The following FBN1 variants were observed in gnomAD, a reference collection of about 807,000 sequenced individuals.
The protein encoded by FBN1 is fibrillin 1.
FBN1 carries 29 observed loss-of-function variants against 365.1 expected under a neutral mutation model. The ratio of observed to expected loss-of-function variants is 0.08; its 90% CI spans 0.06 to 0.11. The LOEUF is 0.11. FBN1 is among the 10% of genes least tolerant of loss of function. The probability of loss-of-function intolerance (pLI) is 1.00; values close to 1 mark genes in which losing one functional copy is unlikely to be tolerated. For missense variants in FBN1, 2,476 were observed against 3,703.2 expected, an observed-to-expected ratio of 0.67 and a Z score of 8.60; for synonymous variants, 1,210 against 1,270.5, an observed-to-expected ratio of 0.95 and a Z score of 1.01.
rs794728263 is a variant in FBN1, at chr15:48,427,723, T to C, written c.7048A>G (p.Ile2350Val). The part of the protein sequence containing the change: ...FTEVLQNMCQ[I>V]GSSNRNPVTK... ...ACGGGGTTCCTGTTGCTGGAGCCGA[T>C]CTGACACATGTTTTGTAGCACCTCT... Residue 2350 changes from isoleucine (I) to valine (V), a missense_variant, in exon 58 of 66, where the codon ATC (isoleucine) becomes GTC (valine). Ile to Val is a conservative substitution (Grantham distance 29). Around this residue, in one of 5 missense-constraint regions of FBN1, gnomAD observed 1,780 missense variants for 2,840.8 expected, o/e 0.63. Transcript: ENST00000316623. 1.1e-5 allele frequency: 17 copies of C among 1,614,136 alleles called. No individual in the cohort carries two copies. Among genetic ancestry groups the C allele is most frequent in the Non-Finnish European group, 1.3e-5 (15 of 1,179,994 alleles).
intron 8 of FBN1, among the ~76,000 whole-genome samples, chr15:48,532,500 A>ATG (rs1566921224): frequency 9.3e-6 from 1 of 107,122 alleles, no homozygotes; most frequent in African/African-American, 3.6e-5. Flanking sequence ...GTATATATAT[A>ATG]TGTGTATGTG....
intron 2 of FBN1, chr15:48,641,616 G>C (rs1890199715): frequency 6.6e-6 from 1 of 152,228 alleles, no homozygotes; most frequent in Non-Finnish European, 1.5e-5. Flanking sequence ...CTGGGCATCA[G>C]GCAGACTCGG....
At chr15:48,435,689 T>C (rs978142288) in intron 53 of FBN1, among the ~76,000 whole-genome samples, 7 of 148,450 alleles carry the variant, frequency 4.7e-5, no homozygotes, top group African/African-American at 7.5e-5. Flanking sequence ...TGTGTGTGTG[T>C]GCATGTGTGT....
At position 48,429,562 on chromosome 15, in the gene FBN1, T is replaced by C. The variant is rs1367156356; in HGVS notation, c.6872-1091A>G. ...AAGTTGGAAGGTGAATCCAGAACAG[T>C]GTTAAAACAGGTTCAAAACCCCAAT... On this transcript the variant is annotated intron_variant, in intron 56 of 65. Coordinates refer to ENST00000316623, the MANE Select transcript of FBN1 (RefSeq NM_000138.5). Among the ~76,000 whole-genome samples the C allele has an allele frequency of 2.6e-5, 4 of 152,136 alleles. No individual in the cohort carries two copies. The East Asian group carries it at 5.8e-4, about 22-fold the overall frequency.
intron 32 of FBN1, among the ~76,000 whole-genome samples, chr15:48,475,049 T>C (rs1238053514): frequency 1.2e-4 from 18 of 152,116 alleles, no homozygotes; most frequent in Admixed American, 1.2e-3. Context: ...TTTTCATATC[T>C]TGTATAGACA....
intron 2 of FBN1, among the ~76,000 whole-genome samples, chr15:48,635,628 A>G (rs1432089548): frequency 6.6e-6 from 1 of 152,242 alleles, no homozygotes; most frequent in Non-Finnish European, 1.5e-5. Flanking sequence ...GTTAAAACAT[A>G]CCAAAGTTAA....
rs751472490 is a variant in FBN1 at position 48,448,866 on chromosome 15, T to C, written c.5573A>G (p.Asn1858Ser). ...AATGCACTGCCCATGACTGCATATATTGGGGATTTCTTGACATTCATTACG... is the reference window on the plus strand; with the variant it reads ...AATGCACTGCCCATGACTGCATATACTGGGGATTTCTTGACATTCATTACG... ...NDRNECQEIPNICSHGQCIDT... is the reference protein window; with the variant it reads ...NDRNECQEIPSICSHGQCIDT... The change falls in exon 46 of 66, where the codon AAT becomes AGT. Residue 1858 changes from asparagine to serine, a missense_variant. Coordinates refer to ENST00000316623, the MANE Select transcript of FBN1 (RefSeq NM_000138.5). 2.4e-5 allele frequency: 38 copies of C among 1,612,274 alleles called. No homozygotes were observed. The highest frequency in any genetic ancestry group is 2.5e-5 in the Non-Finnish European group (30 of 1,178,662).
chr15:48,586,631 AC>A (rs2044437398), intron 6 of FBN1, among the ~76,000 whole-genome samples: 1 of 152,180 alleles, frequency 6.6e-6, no homozygotes, highest in African/African-American at 2.4e-5. Flanking sequence ...TGAGAACCAA[AC>A]CCCAAAGGAT....
At position 48,474,240 on chromosome 15, in the gene FBN1, C is replaced by A; in HGVS notation, c.4210+15G>T. The A allele has an allele frequency of 6.2e-7, 1 of 1,614,008 alleles. No individual in the cohort carries two copies. The highest frequency in any genetic ancestry group is 2.2e-5 in the East Asian group (1 of 44,866). ...CTGACTAGTGTTGACACAGTTGTTT[C>A]CAGCGTGAACATACCTGTACAAGTG... On this transcript the variant is annotated intron_variant, in intron 34 of 65. Transcript: ENST00000316623.
intron 6 of FBN1, among the ~76,000 whole-genome samples, chr15:48,541,319 T>G (rs935379119): frequency 1.3e-5 from 2 of 152,226 alleles, no homozygotes; most frequent in Non-Finnish European, 2.9e-5. Context: ...TACATTTCTG[T>G]GCTAGATATT....
chr15:48,549,612 T>C lies in FBN1; in HGVS notation c.539-11804A>G, dbSNP rs189948294. ...ACCAATGCACTTGGACTCAATACAGTGCCTTCATTTATTCCTTTTTGGAAG... is the reference window on the plus strand; with the variant it reads ...ACCAATGCACTTGGACTCAATACAGCGCCTTCATTTATTCCTTTTTGGAAG... On this transcript the variant is annotated intron_variant, in intron 6 of 65. Coordinates refer to ENST00000316623, the MANE Select transcript of FBN1 (RefSeq NM_000138.5). Among the ~76,000 whole-genome samples the C allele has an allele frequency of 6.0e-4, 92 of 152,344 alleles. 1 individual carries two copies. In the East Asian group the frequency reaches 0.015, roughly 26 times the overall value.
intron 6 of FBN1, among the ~76,000 whole-genome samples, chr15:48,592,078 A>G (rs1305529693): frequency 6.6e-6 from 1 of 152,242 alleles, no homozygotes; most frequent in African/African-American, 2.4e-5. Flanking sequence ...AGTACTCAGT[A>G]CATGTCAGCT....
intron 50 of FBN1, 78 bp from the exon 51 acceptor site, chr15:48,437,995 C>G (rs1313307817): frequency 6.9e-7 from 1 of 1,446,832 alleles, no homozygotes; most frequent in Non-Finnish European, 9.7e-7. Flanking sequence ...AAAGAACAAC[C>G]CACTATGTTA....
intron 25 of FBN1, 123 bp from the exon 26 acceptor site, chr15:48,488,616 A>G: frequency 9.5e-7 from 1 of 1,055,388 alleles, no homozygotes; most frequent in Middle Eastern, 2.7e-4. Flanking sequence ...GGCAGTATAC[A>G]TTTCCAAGAA....
At chr15:48,500,296 T>C (rs2043643571) in intron 17 of FBN1, among the ~76,000 whole-genome samples, 1 of 152,246 alleles carries the variant, frequency 6.6e-6, no homozygotes, top group South Asian at 2.1e-4. Flanking sequence ...TTTGCTGATG[T>C]TTGGCCTAAA....
intron 43 of FBN1, among the ~76,000 whole-genome samples, chr15:48,457,943 A>G (rs1193315546): frequency 6.6e-6 from 1 of 152,132 alleles, no homozygotes; most frequent in East Asian, 1.9e-4. Context: ...ATAAGGGAAG[A>G]TCGTATTATG....
rs1304070699 is a variant in FBN1 at position 48,460,186 on chromosome 15, A to G, written c.5296+60T>C. The stretch of plus-strand genomic sequence containing the variant: ...TTTAAGAAAAAAATGGGAACTGAAA[A>G]AATAATGCTAACACAAAGGCAAAAA... On this transcript the variant is annotated intron_variant, in intron 43 of 65. Transcript: ENST00000316623. 4 of 1,279,040 alleles carry G rather than the reference A, an allele frequency of 3.1e-6. No homozygotes were observed. The Admixed American group carries it at 6.8e-5, about 22-fold the overall frequency. 79.2% of individuals were successfully genotyped at this position (1,279,040 alleles called of 1,614,324 possible). A position where few individuals can be genotyped will look rare whatever the true frequency, so the allele number is the denominator to read the frequency against.
chr15:48,412,518 G>T, intron 65 of FBN1, 51 bp downstream of exon 65: 2 of 1,593,710 alleles, frequency 1.3e-6, no homozygotes, highest in Non-Finnish European at 1.7e-6. Flanking sequence ...CAGGAATCTG[G>T]AAGGGCTTTC....
chr15:48,433,266 T>A (rs1010771031), intron 54 of FBN1, among the ~76,000 whole-genome samples: 1 of 152,178 alleles, frequency 6.6e-6, no homozygotes, highest in Admixed American at 6.5e-5. Flanking sequence ...TTTAGGTGGA[T>A]GGGAAATTAC....
Sources: gnomAD v4.1 joint callset for allele counts (sites outside exome capture counted in the v4.1 genomes callset) on GRCh38, gnomAD v4.1.1 for gene constraint, gnomAD v4.1.1 regional missense constraint, MANE v1.5 for transcripts, NCBI Gene and HGNC (gene_info 2026-07-23, HGNC 2026-07-21) for gene names.